Variants in USP40 observed in about 807,000 individuals in gnomAD.
The protein encoded by USP40 is ubiquitin specific peptidase 40, also known as ubiquitin carboxyl-terminal hydrolase 40.
Under a neutral mutation model 166.2 loss-of-function variants are expected in USP40, and 143 were observed. The ratio of observed to expected loss-of-function variants is 0.86; its 90% CI spans 0.75 to 0.99. The LOEUF is 0.99. Ranked by LOEUF, USP40 falls within the 50% of genes least tolerant of loss-of-function variation. USP40 has a pLI of 0.00. For missense variants in USP40, 1,444 were observed against 1,479.7 expected (o/e 0.98, Z 0.40); for synonymous variants, 498 against 524.0 (o/e 0.95, Z 0.68).
chr2:233,526,432 A>T (rs937671156), intron 13 of USP40, among the ~76,000 whole-genome samples: 8 of 152,160 alleles, frequency 5.3e-5, no homozygotes, highest in Non-Finnish European at 1.0e-4. Context: ...CTAATGAAAA[A>T]GTTCAGAAAT....
At chr2:233,557,080 AAAC>A in intron 4 of USP40, 61 bp from the exon 5 acceptor site, 1 of 1,434,818 alleles carries the variant, frequency 7.0e-7, no homozygotes, top group Non-Finnish European at 9.5e-7. Flanking sequence ...AACATTAAAA[AAAC>A]AAACATTAGT....
Position 233,535,705 on chromosome 2 carries a change from C to T in USP40, c.1171-1926G>A, listed in dbSNP as rs533282406. ...AGAAAAATAACATAATCTAGACTCTCCACAACACATCATCCACAATATGAG... is the reference window on the plus strand; with the variant it reads ...AGAAAAATAACATAATCTAGACTCTTCACAACACATCATCCACAATATGAG... On this transcript the variant is annotated intron_variant, in intron 10 of 31. Coordinates refer to ENST00000678225, the MANE Select transcript of USP40 (RefSeq NM_001365479.2). 5.7e-4 allele frequency among the ~76,000 whole-genome samples: 87 copies of T among 152,228 alleles called. 1 individual carries two copies. Among genetic ancestry groups the T allele is most frequent in the Non-Finnish European group, 1.1e-3 (73 of 68,010 alleles).
Position 233,477,441 on chromosome 2 carries a change from G to C in USP40, c.3662C>G (p.Pro1221Arg). The C allele has an allele frequency of 6.2e-7, 1 of 1,613,834 alleles. No individual in the cohort carries two copies. Among genetic ancestry groups the C allele is most frequent in the Non-Finnish European group, 8.5e-7 (1 of 1,179,894 alleles). Residue 1221 changes from proline to arginine, a missense_variant, in exon 32 of 32, where the codon CCC becomes CGC. Pro to Arg is a moderately radical substitution (Grantham distance 103, BLOSUM62 -2). Transcript: ENST00000678225. The part of the protein sequence containing the change: ...ILSSAETPAR[P>R]RAPETSLSIH... ...GGAGAGAGAAGTTTCCGGGGCTCGG[G>C]GCCGGGCAGGCGTCTCTGCACTGGA...
At chr2:233,539,668 A>G (rs1289237009) in intron 10 of USP40, among the ~76,000 whole-genome samples, 1 of 152,142 alleles carries the variant, frequency 6.6e-6, no homozygotes, top group Non-Finnish European at 1.5e-5. Flanking sequence ...TTGGAAGAAA[A>G]TTTATAGCTT....
At chr2:233,481,565 G>A in intron 30 of USP40, 2 of 474,304 alleles carry the variant, frequency 4.2e-6, no homozygotes, top group Non-Finnish European at 7.6e-6. Context: ...GGCCAAACAG[G>A]GGGACTTTAA....
At chr2:233,538,763 T>C (rs1235567975) in intron 10 of USP40, among the ~76,000 whole-genome samples, 1 of 152,154 alleles carries the variant, frequency 6.6e-6, no homozygotes, top group Admixed American at 6.5e-5. Flanking sequence ...ATGCCTATAA[T>C]CCCAGCACTT....
intron 8 of USP40, among the ~76,000 whole-genome samples, chr2:233,544,835 A>G (rs1230058382): frequency 6.6e-6 from 1 of 152,212 alleles, no homozygotes; most frequent in Non-Finnish European, 1.5e-5. Context: ...TGACCTTGAT[A>G]CTGGATGAAG....
At chr2:233,560,859 C>T (rs2071523102) in intron 3 of USP40, 2 of 573,364 alleles carry the variant, frequency 3.5e-6, no homozygotes, top group African/African-American at 1.9e-5. Flanking sequence ...TTTAAATAGA[C>T]TTCTGGGGGA....
At chr2:233,516,466 G>A (rs2067203915) in intron 18 of USP40, among the ~76,000 whole-genome samples, 1 of 152,152 alleles carries the variant, frequency 6.6e-6, no homozygotes, top group Admixed American at 6.5e-5. Flanking sequence ...GGAAGGCCTA[G>A]GCGGGCGGAT....
At chr2:233,522,850 T>C (rs1212205279) in intron 16 of USP40, among the ~76,000 whole-genome samples, 1 of 152,194 alleles carries the variant, frequency 6.6e-6, no homozygotes, top group African/African-American at 2.4e-5. Context: ...TTCCTTCGGT[T>C]TTATAACTGG....
Position 233,540,788 on chromosome 2 carries a change from T to TC in USP40, c.1063-20dup. 6.3e-7 allele frequency: 1 copy of TC among 1,579,920 alleles called. No individual in the cohort carries two copies. On this transcript the variant is annotated intron_variant, in intron 9 of 31. Transcript: ENST00000678225. ...TCTCCTCCTTATGAGAGAAACACAG[T>TC]CACTCAAGAAAATCTGATGAGAAAT...
chr2:233,500,491 T>C (rs1408374882), intron 21 of USP40, among the ~76,000 whole-genome samples: 3 of 152,168 alleles, frequency 2.0e-5, no homozygotes, highest in African/African-American at 4.8e-5. Flanking sequence ...GGGAAAAACA[T>C]TGCTAATTAA....
chr2:233,547,364 G>GT (rs1011735868), intron 8 of USP40, among the ~76,000 whole-genome samples: 4 of 152,122 alleles, frequency 2.6e-5, no homozygotes, highest in African/African-American at 9.7e-5. Flanking sequence ...TACAGAACAT[G>GT]TATCTCTCAA....
At position 233,549,146 on chromosome 2, in the gene USP40, A is replaced by C. The variant is rs202182823; in HGVS notation, c.921T>G (p.His307Gln). The change falls in exon 8 of 32, where the codon CAT becomes CAG. Residue 307 changes from histidine (H) to glutamine (Q), a missense_variant. Physicochemically the swap from His to Gln is conservative, Grantham distance 24 (BLOSUM62 0). Transcript: ENST00000678225. ...HKGGCYGGHY[H>Q]VYIKDVDHLG... ...AATGATCAACATCTTTAATATATAC[A>C]TGGTAATGGCCTCCGTAGCAGCCAC... The C allele has an allele frequency of 1.2e-6, 2 of 1,602,316 alleles. No homozygotes were observed. The highest frequency in any genetic ancestry group is 8.5e-7 in the Non-Finnish European group (1 of 1,173,450).
At chr2:233,563,776 A>G (rs2071877461) in intron 2 of USP40, among the ~76,000 whole-genome samples, 1 of 152,160 alleles carries the variant, frequency 6.6e-6, no homozygotes, top group Non-Finnish European at 1.5e-5. Context: ...AGGCTAAGCT[A>G]TACAAGCAGT....
At chr2:233,490,413 C>A (rs1390710068) in intron 26 of USP40, among the ~76,000 whole-genome samples, 1 of 151,814 alleles carries the variant, frequency 6.6e-6, no homozygotes, top group Non-Finnish European at 1.5e-5. Context: ...CTCAAGTGAT[C>A]CGCCTGCCTC....
chr2:233,476,073 G>C lies in USP40; in HGVS notation c.*1319C>G, dbSNP rs1354584825. 1.3e-5 allele frequency: 2 copies of C among 152,424 alleles called. No homozygotes were observed. Among genetic ancestry groups the C allele is most frequent in the Non-Finnish European group, 2.9e-5 (2 of 68,076 alleles). The allele number at this position is 152,424 out of a possible 1,614,324, so 9.4% of individuals were successfully genotyped here. A position where few individuals can be genotyped will look rare whatever the true frequency, so the allele number is the denominator to read the frequency against. On this transcript the variant is annotated 3_prime_UTR_variant, in exon 32 of 32. Coordinates refer to ENST00000678225, the MANE Select transcript of USP40 (RefSeq NM_001365479.2). ...CTATGGCAGACGCTCTCAGACACGT[G>C]TGCAGAAGCGACGTGGCTTCTGTCT... is the stretch of plus-strand genomic sequence containing the variant.
rs147686397 is a variant in USP40, at chr2:233,561,236, C to T, written c.268-1312G>A. On this transcript the variant is annotated intron_variant, in intron 3 of 31. Coordinates refer to ENST00000678225, the MANE Select transcript of USP40 (RefSeq NM_001365479.2). The stretch of plus-strand genomic sequence containing the variant: ...AAGAGAAAATAAAGTTCATATGGAA[C>T]CAAAAAAGAGCCCGCATCGCCAAGT... 99 of 1,540,856 alleles carry T rather than the reference C, an allele frequency of 6.4e-5. 4 individuals are homozygous for T. In the African/African-American group the frequency reaches 7.6e-4, roughly 12 times the overall value.
chr2:233,494,979 T>TACAC (rs1553558238), intron 24 of USP40, among the ~76,000 whole-genome samples: 3 of 74,932 alleles, frequency 4.0e-5, no homozygotes, highest in South Asian at 3.7e-4. Flanking sequence ...TATATATATA[T>TACAC]ACACACACAT....
Sources: allele counts gnomAD v4.1 joint callset (sites outside exome capture counted in the v4.1 genomes callset), GRCh38; gene constraint gnomAD v4.1.1; transcripts MANE v1.5; gene names NCBI Gene and HGNC (gene_info 2026-07-23, HGNC 2026-07-21).